PIEZO2: variants seen among roughly 807,000 people sequenced by gnomAD.
PIEZO2 encodes the protein piezo type mechanosensitive ion channel component 2, also known as piezo-type mechanosensitive ion channel component 2.
In PIEZO2, 172 loss-of-function variants were observed where a neutral mutation model predicts 337.3. The ratio of observed to expected loss-of-function variants is 0.51; its 90% confidence interval spans 0.45 to 0.58. PIEZO2 has a LOEUF of 0.58. PIEZO2 is among the 20% of genes least tolerant of loss of function. The pLI is 0.00. For synonymous variants in PIEZO2, 1,251 were observed against 1,228.5 expected (o/e 1.02, Z -0.38); for missense variants, 3,028 against 3,391.3 (o/e 0.89, Z 2.66).
intron 36 of PIEZO2, among the ~76,000 whole-genome samples, chr18:10,723,862 G>T (rs2036421365): frequency 6.6e-6 from 1 of 152,212 alleles, no homozygotes; most frequent in Admixed American, 6.5e-5. Flanking sequence ...GATTTCAACA[G>T]ATGGCTCAGA....
In PIEZO2 at chr18:10,773,369, C is replaced by T. The variant is rs990091690; in HGVS notation, c.2785+43G>A. On this transcript the variant is annotated intron_variant, in intron 20 of 55. Transcript: ENST00000674853. This position sits in a 1 kb window ranked among gnomAD's most constrained non-coding sequence, Gnocchi z 5.3. ...TCAATGTTTCCTTCACTCAGTCTGA[C>T]AGCCAGCGTTCTCTGACCAGCTGCT... The T allele has an allele frequency of 9.9e-6, 15 of 1,514,048 alleles. No homozygotes were observed. The highest frequency in any genetic ancestry group is 1.3e-5 in the Non-Finnish European group (15 of 1,126,076). 93.8% of individuals were successfully genotyped at this position (1,514,048 alleles called of 1,614,324 possible).
chr18:10,675,291 G>A lies in PIEZO2; in HGVS notation c.8082-3C>T. ...ATGGATAAATCTTTTCTATGGTCCT[G>A]TACATTAAGAAAAAAAAGATACAAT... On this transcript the variant is annotated splice_region_variant and splice_polypyrimidine_tract_variant and intron_variant, in intron 53 of 55. Transcript: ENST00000674853. 3 of 1,445,278 alleles carry A rather than the reference G, an allele frequency of 2.1e-6. No homozygotes were observed. Among genetic ancestry groups the A allele is most frequent in the Non-Finnish European group, 2.8e-6 (3 of 1,075,958 alleles). 89.5% of individuals were successfully genotyped at this position (1,445,278 alleles called of 1,614,324 possible). A position where few individuals can be genotyped will look rare whatever the true frequency, so the allele number is the denominator to read the frequency against.
Position 11,099,241 on chromosome 18 carries a change from T to C in PIEZO2, c.65-33019A>G, listed in dbSNP as rs1010637663. Among the ~76,000 whole-genome samples, 3 of 152,244 alleles carry C rather than the reference T, an allele frequency of 2.0e-5. No homozygotes were observed. The highest frequency in any genetic ancestry group is 4.4e-5 in the Non-Finnish European group (3 of 68,038). ...ATATCTCTGCACATTTGTGCCAGTA[T>C]TTCTGTAGGTTAACATATTAATGGA... On this transcript the variant is annotated intron_variant, in intron 1 of 55. Transcript: ENST00000674853. The surrounding 1 kb of genome is among the most constrained non-coding windows in gnomAD (Gnocchi z 5.4).
chr18:10,987,132 C>T (rs749564378), intron 2 of PIEZO2, among the ~76,000 whole-genome samples: 120 of 152,020 alleles, frequency 7.9e-4, no homozygotes, highest in Non-Finnish European at 7.1e-4. Context: ...GCCCATACTG[C>T]CAAAAGGAAT....
In PIEZO2 at chr18:10,677,696, C is replaced by G. The variant is rs2034071200; in HGVS notation, c.8081+51G>C. Reference sequence around the variant, plus strand: ...TGAATCTGTAGATGGACATTTTGTACCAGCTGCATATACCTAACAAAGCTC... The same window carrying G: ...TGAATCTGTAGATGGACATTTTGTAGCAGCTGCATATACCTAACAAAGCTC... On this transcript the variant is annotated intron_variant, in intron 53 of 55. Transcript: ENST00000674853. This position sits in a 1 kb window ranked among gnomAD's most constrained non-coding sequence, Gnocchi z 4.1. 3 of 1,568,842 alleles carry G rather than the reference C, an allele frequency of 1.9e-6. No individual in the cohort carries two copies. Among genetic ancestry groups the G allele is most frequent in the African/African-American group, 1.4e-5 (1 of 72,308 alleles).
At chr18:10,703,846 T>G (rs2143764587) in intron 42 of PIEZO2, among the ~76,000 whole-genome samples, 1 of 152,334 alleles carries the variant, frequency 6.6e-6, no homozygotes, top group East Asian at 1.9e-4. Flanking sequence ...AAGCGGGTGC[T>G]TGTACAATTT....
intron 1 of PIEZO2, among the ~76,000 whole-genome samples, chr18:11,095,393 C>A (rs1050262854): frequency 2.0e-5 from 3 of 152,102 alleles, no homozygotes; most frequent in African/African-American, 4.8e-5. Context: ...TGTGCGTAAC[C>A]TAAGAGAGAC....
In PIEZO2 at chr18:11,148,749, C is replaced by T; in HGVS notation, c.-161G>A. 1.4e-6 allele frequency: 1 copy of T among 709,714 alleles called. No homozygotes were observed. The highest frequency in any genetic ancestry group is 1.9e-5 in the South Asian group (1 of 52,416). 44.0% of individuals were successfully genotyped at this position (709,714 alleles called of 1,614,324 possible). A position where few individuals can be genotyped will look rare whatever the true frequency, so the allele number is the denominator to read the frequency against. ...GCCGCGACGCTCTCCGCCCCGAGGG[C>T]ACGCTCCCGGGGCTCTTGGCCGCCC... is the stretch of plus-strand genomic sequence containing the variant. On this transcript the variant is annotated 5_prime_UTR_variant, in exon 1 of 56. Coordinates refer to ENST00000674853, the MANE Select transcript of PIEZO2 (RefSeq NM_001378183.1). This position sits in a 1 kb window ranked among gnomAD's most constrained non-coding sequence, Gnocchi z 5.2.
rs73396512 is a variant in PIEZO2, at chr18:10,904,517, G to A, written c.329+6669C>T. On this transcript the variant is annotated intron_variant, in intron 4 of 55. Coordinates refer to ENST00000674853, the MANE Select transcript of PIEZO2 (RefSeq NM_001378183.1). ...TGTGGCTTAGAGTGGAACCCTGTGG[G>A]AGGAGCGTGCTTCTGTGCCCACAGG... 4.1e-3 allele frequency among the ~76,000 whole-genome samples: 632 copies of A among 152,334 alleles called. 4 individuals carry two copies. The highest frequency in any genetic ancestry group is 0.015 in the African/African-American group (617 of 41,566).
In PIEZO2 at chr18:10,794,598, A is replaced by C. The variant is rs1367121968; in HGVS notation, c.1758+174T>G. On this transcript the variant is annotated intron_variant, in intron 13 of 55. Transcript: ENST00000674853. This position sits in a 1 kb window ranked among gnomAD's most constrained non-coding sequence, Gnocchi z 6.6. ...ATGGTGTAATATATGTTCATGTTTA[A>C]ATTATAGAGGCCTCTAAGCACCGCA... is the stretch of plus-strand genomic sequence containing the variant. Among the ~76,000 whole-genome samples, 2 of 152,190 alleles carry C rather than the reference A, an allele frequency of 1.3e-5. No individual in the cohort carries two copies. Among genetic ancestry groups the C allele is most frequent in the Non-Finnish European group, 2.9e-5 (2 of 68,044 alleles).
In PIEZO2 at chr18:10,925,790, G is replaced by A. The variant is rs561868141; in HGVS notation, c.287-14562C>T. ...TCACTGGGTTAGCCAGGATGGTCTC[G>A]ATCTCCTGACCTCGTGATCTGCCCG... On this transcript the variant is annotated intron_variant, in intron 3 of 55. Coordinates refer to ENST00000674853, the MANE Select transcript of PIEZO2 (RefSeq NM_001378183.1). Among the ~76,000 whole-genome samples the A allele has an allele frequency of 1.8e-4, 28 of 152,202 alleles. No individual in the cohort carries two copies. The South Asian group carries it at 5.8e-3, about 32-fold the overall frequency.
intron 5 of PIEZO2, among the ~76,000 whole-genome samples, chr18:10,860,935 C>T (rs1020673089): frequency 6.6e-6 from 1 of 152,196 alleles, no homozygotes. Flanking sequence ...CTGGGGCTGT[C>T]GGTTGGAAAT....
rs1342988218 is a variant in PIEZO2 at position 10,984,215 on chromosome 18, G to T, written c.161-4555C>A. 3.3e-5 allele frequency among the ~76,000 whole-genome samples: 5 copies of T among 151,914 alleles called. 1 individual carries two copies. The South Asian group carries it at 1.0e-3, about 32-fold the overall frequency. On this transcript the variant is annotated intron_variant, in intron 2 of 55. Coordinates refer to ENST00000674853, the MANE Select transcript of PIEZO2 (RefSeq NM_001378183.1). ...TCAAGAAAATATGACATCACCAAAG[G>T]AACAAAATACAGCTCTAGTGGCTGA...
chr18:10,866,714 G>A (rs894122800), intron 5 of PIEZO2, among the ~76,000 whole-genome samples: 2 of 152,178 alleles, frequency 1.3e-5, no homozygotes, highest in African/African-American at 4.8e-5. Flanking sequence ...GTGGCTGGAA[G>A]ACTCTGGGGG....
In PIEZO2 at chr18:10,980,445, A is replaced by G. The variant is rs2145491242; in HGVS notation, c.161-785T>C. ...ATAGTGGAATTTTAGACTTAGTCCC[A>G]CCAGTATCAGAGAATGATCAAGGCC... On this transcript the variant is annotated intron_variant, in intron 2 of 55. Transcript: ENST00000674853. This position sits in a 1 kb window ranked among gnomAD's most constrained non-coding sequence, Gnocchi z 4.8. Among the ~76,000 whole-genome samples the G allele has an allele frequency of 1.3e-5, 2 of 152,306 alleles. No individual in the cohort carries two copies. The highest frequency in any genetic ancestry group is 1.3e-4 in the Admixed American group (2 of 15,300).
chr18:11,117,044 G>A (rs1306293784), intron 1 of PIEZO2, among the ~76,000 whole-genome samples: 2 of 152,212 alleles, frequency 1.3e-5, no homozygotes, highest in East Asian at 3.9e-4. Flanking sequence ...GGGAGGTGGA[G>A]GTTGCAGTGA....
chr18:11,114,495 A>G (rs1471597306), intron 1 of PIEZO2, among the ~76,000 whole-genome samples: 4 of 152,152 alleles, frequency 2.6e-5, no homozygotes, highest in Non-Finnish European at 5.9e-5. Context: ...GCAAAACGTC[A>G]TCTCTACTAA....
At chr18:11,121,221 C>T (rs2040021889) in intron 1 of PIEZO2, among the ~76,000 whole-genome samples, 1 of 148,108 alleles carries the variant, frequency 6.8e-6, no homozygotes, top group Non-Finnish European at 1.5e-5. Context: ...CACTGCGTTC[C>T]ATCCTGGGCA....
intron 1 of PIEZO2, among the ~76,000 whole-genome samples, chr18:11,071,138 T>G (rs771766226): frequency 6.6e-6 from 1 of 151,796 alleles, no homozygotes; most frequent in African/African-American, 2.4e-5. Context: ...CCCAAAGGAG[T>G]CATGCACATA....
Sources: gnomAD v4.1 joint callset for allele counts (sites outside exome capture counted in the v4.1 genomes callset) on GRCh38, gnomAD v4.1.1 for gene constraint, Gnocchi (gnomAD v3.1) non-coding constraint, MANE v1.5 for transcripts, NCBI Gene and HGNC (gene_info 2026-07-23, HGNC 2026-07-21) for gene names.